Variants in PTP4A2 observed in about 807,000 individuals in gnomAD.
The protein encoded by PTP4A2 is protein tyrosine phosphatase type IVA 2.
Under a neutral mutation model 22.9 loss-of-function variants are expected in PTP4A2, and 2 were observed. The observed-to-expected ratio is 0.09, with a 90% confidence interval of 0.04 to 0.27. The LOEUF is 0.27. PTP4A2 is among the 10% of genes least tolerant of loss of function. The pLI is 1.00. For missense variants in PTP4A2, 103 were observed against 205.1 expected, an observed-to-expected ratio of 0.50 and a Z score of 3.04; for synonymous variants, 68 against 69.1, an observed-to-expected ratio of 0.98 and a Z score of 0.08.
At chr1:31,935,129 TG>T (rs1289395295) in intron 1 of PTP4A2, among the ~76,000 whole-genome samples, 1 of 152,220 alleles carries the variant, frequency 6.6e-6, no homozygotes, top group African/African-American at 2.4e-5. Flanking sequence ...TTTGATACAG[TG>T]GTAAGTTCTA....
intron 1 of PTP4A2, chr1:31,932,567 T>C (rs571692369): frequency 5.3e-5 from 8 of 152,340 alleles, no homozygotes; most frequent in Non-Finnish European, 1.0e-4. Flanking sequence ...AAAATATCTG[T>C]ATAATCTGTC....
In PTP4A2 at chr1:31,908,193, T is replaced by TA. The variant is rs1651336245; in HGVS notation, c.*658dup. On this transcript the variant is annotated 3_prime_UTR_variant, in exon 6 of 6. Transcript: ENST00000647444. ...ATATATATATATATATATATATATA[T>TA]ATATATATATATATCACTGCTGTTT... 16 of 40,992 alleles carry TA rather than the reference T, an allele frequency of 3.9e-4. 2 individuals carry two copies. Among genetic ancestry groups the TA allele is most frequent in the African/African-American group, 1.7e-3 (16 of 9,554 alleles). The allele number at this position is 40,992 out of a possible 1,614,324, so 2.5% of individuals were successfully genotyped here. A position where few individuals can be genotyped will look rare whatever the true frequency, so the allele number is the denominator to read the frequency against.
At chr1:31,909,969 C>A in intron 5 of PTP4A2, 69 bp downstream of exon 5, 1 of 1,361,470 alleles carries the variant, frequency 7.3e-7, no homozygotes, top group Non-Finnish European at 1.0e-6. Flanking sequence ...ATGAATATCC[C>A]TTCCATAATT....
At chr1:31,927,578 G>C (rs1652524922) in intron 1 of PTP4A2, among the ~76,000 whole-genome samples, 1 of 152,176 alleles carries the variant, frequency 6.6e-6, no homozygotes, top group African/African-American at 2.4e-5. Context: ...CACTCTATCT[G>C]CTATGTGGAA....
chr1:31,935,980 G>A (rs1326801061), intron 1 of PTP4A2, among the ~76,000 whole-genome samples: 4 of 151,898 alleles, frequency 2.6e-5, no homozygotes, highest in Non-Finnish European at 5.9e-5. Context: ...CTGTAGAAAT[G>A]GAGTCACCAT....
At chr1:31,932,003 T>C (rs984190879) in intron 1 of PTP4A2, among the ~76,000 whole-genome samples, 1 of 152,196 alleles carries the variant, frequency 6.6e-6, no homozygotes, top group Non-Finnish European at 1.5e-5. Flanking sequence ...TGATACAACC[T>C]AGTGAATGTT....
chr1:31,932,000 A>G (rs1652745470), intron 1 of PTP4A2, among the ~76,000 whole-genome samples: 1 of 152,206 alleles, frequency 6.6e-6, no homozygotes, highest in African/African-American at 2.4e-5. Context: ...TGGTGATACA[A>G]CCTAGTGAAT....
intron 1 of PTP4A2, among the ~76,000 whole-genome samples, chr1:31,930,191 A>G (rs915012029): frequency 3.2e-4 from 48 of 152,002 alleles, no homozygotes; most frequent in African/African-American, 1.1e-3. Flanking sequence ...ACAAAAAATT[A>G]GCCGGGCGAG....
chr1:31,935,986 A>G (rs919423603), intron 1 of PTP4A2, among the ~76,000 whole-genome samples: 31 of 151,888 alleles, frequency 2.0e-4, no homozygotes, highest in African/African-American at 6.0e-4. Flanking sequence ...AAATGGAGTC[A>G]CCATGTTACC....
intron 2 of PTP4A2, among the ~76,000 whole-genome samples, chr1:31,917,598 A>G (rs1490176190): frequency 3.3e-5 from 5 of 152,194 alleles, no homozygotes; most frequent in African/African-American, 1.2e-4. Context: ...GAAAATCACT[A>G]AGAGTTCACC....
At chr1:31,928,069 T>C (rs555178086) in intron 1 of PTP4A2, among the ~76,000 whole-genome samples, 108 of 151,490 alleles carry the variant, frequency 7.1e-4, no homozygotes, top group African/African-American at 2.5e-3. Context: ...GTTCTATCTA[T>C]CCTCTGCACT....
At chr1:31,914,551 A>C (rs1557862154) in intron 3 of PTP4A2, 2 of 217,070 alleles carry the variant, frequency 9.2e-6, no homozygotes, top group Non-Finnish European at 1.9e-5. Flanking sequence ...TCTCAATAAG[A>C]AGCAGGAACA....
At chr1:31,936,902 C>CGACTCCGGACAGACAAACATTTGCT (rs1652960178) in intron 1 of PTP4A2, among the ~76,000 whole-genome samples, 1 of 152,134 alleles carries the variant, frequency 6.6e-6, no homozygotes, top group African/African-American at 2.4e-5. Flanking sequence ...TGTAGTTTGG[C>CGACTCCGGACAGACAAACATTTGCT]GACTCCGGAC....
At chr1:31,935,205 T>C (rs1652883225) in intron 1 of PTP4A2, among the ~76,000 whole-genome samples, 1 of 152,202 alleles carries the variant, frequency 6.6e-6, no homozygotes, top group Admixed American at 6.5e-5. Flanking sequence ...CATAAGACGC[T>C]GCTGCATTTC....
intron 1 of PTP4A2, among the ~76,000 whole-genome samples, chr1:31,926,918 A>T (rs998751579): frequency 1.3e-5 from 2 of 152,166 alleles, no homozygotes; most frequent in African/African-American, 4.8e-5. Context: ...AGTGTGAGCC[A>T]AACAGGTATT....
chr1:31,907,176 C>T lies in PTP4A2; in HGVS notation c.*1676G>A, dbSNP rs1295435073. The T allele has an allele frequency of 5.3e-5, 8 of 152,160 alleles. No individual in the cohort carries two copies. Among genetic ancestry groups the T allele is most frequent in the East Asian group, 3.8e-4 (2 of 5,198 alleles). The allele number at this position is 152,160 out of a possible 1,614,324, so 9.4% of individuals were successfully genotyped here. A position where few individuals can be genotyped will look rare whatever the true frequency, so the allele number is the denominator to read the frequency against. On this transcript the variant is annotated 3_prime_UTR_variant, in exon 6 of 6. Transcript: ENST00000647444. ...GGTCTGTTCCTATTGGCCTAGCTGACGCTAACAAAATGGGAGGCTTATGGC... is the reference window on the plus strand; with the variant it reads ...GGTCTGTTCCTATTGGCCTAGCTGATGCTAACAAAATGGGAGGCTTATGGC...
chr1:31,923,126 G>GGCCT (rs1652270869), intron 1 of PTP4A2, among the ~76,000 whole-genome samples: 2 of 151,656 alleles, frequency 1.3e-5, no homozygotes, highest in South Asian at 4.2e-4. Context: ...GGCCAGGCTG[G>GGCCT]TCTTGAAGGC....
chr1:31,908,005 T>C lies in PTP4A2; in HGVS notation c.*847A>G, dbSNP rs1651267995. On this transcript the variant is annotated 3_prime_UTR_variant, in exon 6 of 6. Coordinates refer to ENST00000647444, the MANE Select transcript of PTP4A2 (RefSeq NM_080391.4). The stretch of plus-strand genomic sequence containing the variant: ...CCATTTCTCCACTAATTTATCAAAA[T>C]AAAAACAAAACAAAAGGCTCTTGGC... 6.7e-6 allele frequency: 1 copy of C among 148,274 alleles called. No homozygotes were observed. Among genetic ancestry groups the C allele is most frequent in the Non-Finnish European group, 1.5e-5 (1 of 67,182 alleles). 9.2% of individuals were successfully genotyped at this position (148,274 alleles called of 1,614,324 possible). A position where few individuals can be genotyped will look rare whatever the true frequency, so the allele number is the denominator to read the frequency against.
intron 3 of PTP4A2, 78 bp from the exon 4 acceptor site, chr1:31,911,904 G>T: frequency 8.9e-7 from 1 of 1,124,604 alleles, no homozygotes; most frequent in Non-Finnish European, 1.2e-6. Context: ...CCTGCACACA[G>T]TACACACGGC....
Sources: gnomAD v4.1 joint callset for allele counts (sites outside exome capture counted in the v4.1 genomes callset) on GRCh38, gnomAD v4.1.1 for gene constraint, MANE v1.5 for transcripts, NCBI Gene and HGNC (gene_info 2026-07-23, HGNC 2026-07-21) for gene names.